Variants in FGF1 observed in about 807,000 individuals in gnomAD.
FGF1 encodes the protein beta-endothelial cell growth factor.
In FGF1, 9 loss-of-function variants were observed where a neutral mutation model predicts 13.4. The observed-to-expected ratio is 0.67, with a 90% CI of 0.40 to 1.17. The LOEUF (loss-of-function observed/expected upper bound fraction) is 1.17, where lower values mean the gene tolerates loss of function less well. FGF1 is among the 50% of genes most tolerant of loss of function. FGF1 has a pLI of 0.01. For synonymous variants in FGF1, 93 were observed against 79.0 expected, an observed-to-expected ratio of 1.18 and a Z score of -0.94; for missense variants, 156 against 192.7, an observed-to-expected ratio of 0.81 and a Z score of 1.13.
intron 1 of FGF1, among the ~76,000 whole-genome samples, chr5:142,626,191 G>T (rs1463895146): frequency 6.6e-6 from 1 of 152,112 alleles, no homozygotes; most frequent in Non-Finnish European, 1.5e-5. Flanking sequence ...GGAAGGAAAT[G>T]AATAGAATAG....
chr5:142,627,503 T>C (rs1200188650), intron 1 of FGF1, among the ~76,000 whole-genome samples: 1 of 152,214 alleles, frequency 6.6e-6, no homozygotes, highest in Admixed American at 6.5e-5. Context: ...GAAGAACAGT[T>C]AGCAATCCCA....
At chr5:142,619,405 T>C (rs1241133872) in intron 1 of FGF1, among the ~76,000 whole-genome samples, 5 of 152,196 alleles carry the variant, frequency 3.3e-5, no homozygotes, top group Non-Finnish European at 5.9e-5. Context: ...GGCCTTGGCT[T>C]TGGTTCCAAA....
intron 1 of FGF1, among the ~76,000 whole-genome samples, chr5:142,642,270 G>A (rs1765323076): frequency 6.6e-6 from 1 of 152,198 alleles, no homozygotes; most frequent in Admixed American, 6.5e-5. Flanking sequence ...GACAGGAAGG[G>A]AAGAGAAGAA....
chr5:142,634,013 T>A (rs1273766780), intron 1 of FGF1, among the ~76,000 whole-genome samples: 2 of 142,724 alleles, frequency 1.4e-5, no homozygotes, highest in Non-Finnish European at 3.1e-5. Flanking sequence ...TGAAACCCTG[T>A]CTCTACTAAA....
At chr5:142,661,930 G>T (rs550257568) in intron 1 of FGF1, among the ~76,000 whole-genome samples, 11 of 152,146 alleles carry the variant, frequency 7.2e-5, no homozygotes, top group South Asian at 2.1e-4. Flanking sequence ...GTGAACCTAG[G>T]GGGTGGAGGT....
intron 3 of FGF1, among the ~76,000 whole-genome samples, chr5:142,596,663 C>T (rs572984326): frequency 3.3e-5 from 5 of 151,624 alleles, no homozygotes; most frequent in East Asian, 1.9e-4. Context: ...GAGGATTGCT[C>T]GACCCCAGGA....
At chr5:142,676,747 A>G (rs1772685685) in intron 1 of FGF1, among the ~76,000 whole-genome samples, 1 of 152,218 alleles carries the variant, frequency 6.6e-6, no homozygotes. Context: ...CCTTCAGCTA[A>G]GACATCCCAG....
At chr5:142,653,285 G>A (rs1045038125) in intron 1 of FGF1, among the ~76,000 whole-genome samples, 4 of 152,070 alleles carry the variant, frequency 2.6e-5, no homozygotes, top group African/African-American at 9.7e-5. Flanking sequence ...CAACAGTCAC[G>A]GCAGCCGGTA....
intron 1 of FGF1, among the ~76,000 whole-genome samples, chr5:142,643,174 GT>G (rs1765465714): frequency 1.3e-5 from 2 of 152,064 alleles, no homozygotes; most frequent in African/African-American, 4.8e-5. Flanking sequence ...ATTGAATGTT[GT>G]GATATAATTC....
At chr5:142,685,772 C>A (rs1751027774) in intron 1 of FGF1, 185 bp downstream of exon 1, 2 of 152,150 alleles carry the variant, frequency 1.3e-5, no homozygotes, top group African/African-American at 4.8e-5. Context: ...AGGTGAGCTT[C>A]TTGAGATTCA....
At chr5:142,651,968 G>A (rs1185625730) in intron 1 of FGF1, among the ~76,000 whole-genome samples, 1 of 152,040 alleles carries the variant, frequency 6.6e-6, no homozygotes, top group Non-Finnish European at 1.5e-5. Context: ...AAACATGAAC[G>A]TTTATTAAGT....
chr5:142,692,992 T>C (rs1387843053), intron 2 of FGF1, among the ~76,000 whole-genome samples: 1 of 152,210 alleles, frequency 6.6e-6, no homozygotes, highest in African/African-American at 2.4e-5. Flanking sequence ...TTTGGAAGCA[T>C]GATTTAAAAC....
Position 142,595,070 on chromosome 5 carries a change from T to C in FGF1, c.*220A>G. The C allele has an allele frequency of 2.2e-6, 1 of 450,214 alleles. No homozygotes were observed. Among genetic ancestry groups the C allele is most frequent in the Non-Finnish European group, 3.9e-6 (1 of 255,928 alleles). The allele number at this position is 450,214 out of a possible 1,614,324, so 27.9% of individuals were successfully genotyped here. On this transcript the variant is annotated 3_prime_UTR_variant, in exon 4 of 4. Coordinates refer to ENST00000337706, the MANE Select transcript of FGF1 (RefSeq NM_000800.5). ...ACCCAGACCCAGACTGGCCAGCCAG[T>C]TGACTCCTAGAAGCAATTTGGTCCC...
At chr5:142,696,621 AG>A (rs1753151836) in intron 2 of FGF1, among the ~76,000 whole-genome samples, 1 of 152,202 alleles carries the variant, frequency 6.6e-6, no homozygotes, top group African/African-American at 2.4e-5. Flanking sequence ...AGAAGGACGC[AG>A]GGGAGGCAAA....
chr5:142,631,916 T>C (rs1293875454), intron 1 of FGF1, among the ~76,000 whole-genome samples: 2 of 151,622 alleles, frequency 1.3e-5, no homozygotes, highest in South Asian at 4.2e-4. Flanking sequence ...CCCCATTAGC[T>C]GGGACTACAG....
intron 1 of FGF1, among the ~76,000 whole-genome samples, chr5:142,630,646 C>T (rs773328150): frequency 6.6e-6 from 1 of 152,142 alleles, no homozygotes. Context: ...CTGCATGTAC[C>T]CTTGGGTCCT....
intron 2 of FGF1, among the ~76,000 whole-genome samples, chr5:142,692,133 C>A (rs1752324167): frequency 6.6e-6 from 1 of 152,176 alleles, no homozygotes; most frequent in Non-Finnish European, 1.5e-5. Context: ...GAGTTCAAGA[C>A]CAGCCTGGGC....
At chr5:142,645,348 G>A (rs1013464676) in intron 1 of FGF1, among the ~76,000 whole-genome samples, 1 of 152,152 alleles carries the variant, frequency 6.6e-6, no homozygotes, top group East Asian at 1.9e-4. Context: ...TCTTTGGGGT[G>A]CTGGGAGACA....
At chr5:142,647,979 C>T (rs557818331) in intron 1 of FGF1, among the ~76,000 whole-genome samples, 9 of 152,074 alleles carry the variant, frequency 5.9e-5, no homozygotes, top group Middle Eastern at 3.4e-3. Flanking sequence ...CAGCTACTTG[C>T]GAGGCTGAAG....
Sources: gnomAD v4.1 joint callset for allele counts (sites outside exome capture counted in the v4.1 genomes callset) on GRCh38, gnomAD v4.1.1 for gene constraint, MANE v1.5 for transcripts, NCBI Gene and HGNC (gene_info 2026-07-23, HGNC 2026-07-21) for gene names.